Variants in GRK3 observed in about 807,000 individuals in gnomAD.
GRK3 encodes G protein-coupled receptor kinase 3, also known as adrenergic, beta, receptor kinase 2.
In GRK3, 54 loss-of-function variants were observed where a neutral mutation model predicts 95.7. The observed-to-expected ratio is 0.56, with a 90% CI of 0.45 to 0.71. The LOEUF (loss-of-function observed/expected upper bound fraction) is 0.71, where lower values mean the gene tolerates loss of function less well. GRK3 is among the 30% of genes least tolerant of loss of function. GRK3 has a pLI of 0.00. For missense variants in GRK3, 649 were observed against 851.2 expected, an observed-to-expected ratio of 0.76 and a Z score of 2.96; for synonymous variants, 281 against 290.8, an observed-to-expected ratio of 0.97 and a Z score of 0.34.
chr22:25,673,198 A>G (rs1031898881), intron 7 of GRK3, among the ~76,000 whole-genome samples: 3 of 151,464 alleles, frequency 2.0e-5, no homozygotes, highest in Non-Finnish European at 4.4e-5. Flanking sequence ...AGTAGTTGGG[A>G]CTACAGGCAC....
intron 2 of GRK3, among the ~76,000 whole-genome samples, chr22:25,620,411 G>A (rs558097038): frequency 6.6e-6 from 1 of 152,278 alleles, no homozygotes; most frequent in South Asian, 2.1e-4. Flanking sequence ...AGTCCCGCAG[G>A]GATTGTGGGG....
intron 1 of GRK3, among the ~76,000 whole-genome samples, chr22:25,571,591 C>T (rs1162576011): frequency 6.6e-6 from 1 of 152,156 alleles, no homozygotes; most frequent in Non-Finnish European, 1.5e-5. Flanking sequence ...GATACAAGTA[C>T]ACCTTTAAAA....
At chr22:25,623,871 T>G (rs978992378) in intron 2 of GRK3, among the ~76,000 whole-genome samples, 7 of 152,342 alleles carry the variant, frequency 4.6e-5, no homozygotes, top group African/African-American at 1.7e-4. Flanking sequence ...TAACTGGCTA[T>G]CCTATATTAA....
In GRK3 at chr22:25,687,593, C is replaced by A; in HGVS notation, c.883C>A (p.Arg295=). The change falls in exon 11 of 21, where the codon CGG becomes AGG. Residue 295 remains arginine (R), a synonymous_variant. Transcript: ENST00000324198. The stretch of plus-strand genomic sequence containing the variant: ...CGGTGTGTTCTCTGAGAAGGAGATG[C>A]GGTTTTATGCCACTGAAATCATTCT... ...QHGVFSEKEM[R]FYATEIILGL... is the part of the protein sequence containing the mutation. 1.2e-6 allele frequency: 2 copies of A among 1,613,962 alleles called. No homozygotes were observed. The highest frequency in any genetic ancestry group is 1.7e-6 in the Non-Finnish European group (2 of 1,179,860).
intron 1 of GRK3, among the ~76,000 whole-genome samples, chr22:25,578,887 T>G (rs1027852506): frequency 6.6e-6 from 1 of 152,034 alleles, no homozygotes; most frequent in African/African-American, 2.4e-5. Context: ...CCACCAAGTT[T>G]GTGGTAATTT....
intron 5 of GRK3, 68 bp downstream of exon 5, chr22:25,663,772 T>C: frequency 8.9e-7 from 1 of 1,122,546 alleles, no homozygotes; most frequent in Non-Finnish European, 1.3e-6. Context: ...TGACATTCTT[T>C]TTGCATGTGC....
intron 15 of GRK3, among the ~76,000 whole-genome samples, chr22:25,709,595 A>G (rs572483322): frequency 6.6e-6 from 1 of 151,770 alleles, no homozygotes; most frequent in Non-Finnish European, 1.5e-5. Flanking sequence ...CTATAGAATT[A>G]TTGTGTGTGT....
At chr22:25,688,894 T>C (rs1439350536) in intron 11 of GRK3, among the ~76,000 whole-genome samples, 1 of 152,248 alleles carries the variant, frequency 6.6e-6, no homozygotes. Flanking sequence ...AATTTGCCAA[T>C]AGGCGAGAAG....
chr22:25,609,109 T>C (rs575703899), intron 2 of GRK3, among the ~76,000 whole-genome samples: 106 of 152,344 alleles, frequency 7.0e-4, no homozygotes, highest in Non-Finnish European at 9.4e-4. Flanking sequence ...GGATACTGGT[T>C]ATTGAATAGA....
At chr22:25,702,463 T>TTA (rs1290216507) in intron 13 of GRK3, among the ~76,000 whole-genome samples, 1 of 152,196 alleles carries the variant, frequency 6.6e-6, no homozygotes, top group Non-Finnish European at 1.5e-5. Context: ...ATAAATAAAT[T>TTA]TATAAGATGA....
intron 3 of GRK3, among the ~76,000 whole-genome samples, chr22:25,650,381 T>C (rs978567145): frequency 2.0e-5 from 3 of 152,210 alleles, no homozygotes; most frequent in Non-Finnish European, 4.4e-5. Flanking sequence ...AGGGGAAATC[T>C]TTTAATCTTT....
chr22:25,669,067 T>C (rs6004737), intron 6 of GRK3, among the ~76,000 whole-genome samples: 27,470 of 152,132 alleles, frequency 0.18, 5,483 homozygotes, highest in African/African-American at 0.5. Flanking sequence ...GATTTGTTAA[T>C]TTCCATCAAA....
chr22:25,649,741 T>C (rs1310033827), intron 3 of GRK3, among the ~76,000 whole-genome samples: 1 of 152,192 alleles, frequency 6.6e-6, no homozygotes, highest in Non-Finnish European at 1.5e-5. Flanking sequence ...CAATAGGCAA[T>C]CTTAATATAT....
intron 1 of GRK3, among the ~76,000 whole-genome samples, chr22:25,587,031 C>T (rs112531164): frequency 6.6e-6 from 1 of 151,908 alleles, no homozygotes; most frequent in South Asian, 2.1e-4. Flanking sequence ...ATTACAGGTG[C>T]CTGCCACCAC....
At chr22:25,663,753 T>G (rs759957279) in intron 5 of GRK3, 49 bp downstream of exon 5, 2 of 1,345,058 alleles carry the variant, frequency 1.5e-6, no homozygotes, top group South Asian at 2.4e-5. Context: ...GCTTAACACT[T>G]GGCCTTGGTG....
intron 7 of GRK3, among the ~76,000 whole-genome samples, chr22:25,673,169 C>G (rs1198721344): frequency 6.6e-6 from 1 of 151,154 alleles, no homozygotes; most frequent in Non-Finnish European, 1.5e-5. Flanking sequence ...TCACACCATT[C>G]TCCTGCCTCA....
intron 2 of GRK3, among the ~76,000 whole-genome samples, chr22:25,633,150 C>G (rs1330351482): frequency 6.6e-6 from 1 of 152,038 alleles, no homozygotes; most frequent in African/African-American, 2.4e-5. Context: ...CTCCTGACCT[C>G]AAGTGATCCA....
chr22:25,597,203 CAGAA>C (rs747972622), intron 1 of GRK3, among the ~76,000 whole-genome samples: 8 of 151,630 alleles, frequency 5.3e-5, no homozygotes, highest in Non-Finnish European at 1.0e-4. Context: ...AGTGAAATAT[CAGAA>C]AGAGAAGAGA....
chr22:25,713,507 C>T lies in GRK3; in HGVS notation c.1492-901C>T, dbSNP rs143042760. Among the ~76,000 whole-genome samples the T allele has an allele frequency of 9.9e-5, 15 of 152,248 alleles. No individual in the cohort carries two copies. In the East Asian group the frequency reaches 2.1e-3, roughly 22 times the overall value. ...AGGGAGTGTGTGCAAGTGCCTTAGC[C>T]TCCTTGGTCTTTCTTGCCCTTCTCA... On this transcript the variant is annotated intron_variant, in intron 17 of 20. Coordinates refer to ENST00000324198, the MANE Select transcript of GRK3 (RefSeq NM_005160.4).
Sources: gnomAD v4.1 joint callset for allele counts (sites outside exome capture counted in the v4.1 genomes callset) on GRCh38, gnomAD v4.1.1 for gene constraint, MANE v1.5 for transcripts, NCBI Gene and HGNC (gene_info 2026-07-23, HGNC 2026-07-21) for gene names.